Variants in WWOX observed in about 807,000 individuals in gnomAD.
WWOX encodes the protein WW domain-containing oxidoreductase.
In WWOX, 69 loss-of-function variants were observed where a neutral mutation model predicts 46.2. The observed-to-expected ratio is 1.49, with a 90% confidence interval of 1.23 to 1.82. WWOX has a LOEUF of 1.82. Ranked by LOEUF, WWOX falls within the 40% of genes most tolerant of loss-of-function variation. WWOX has a pLI of 0.00. For missense variants in WWOX, 919 were observed against 542.6 expected, an observed-to-expected ratio of 1.69 and a Z score of -6.89; for synonymous variants, 359 against 202.6, an observed-to-expected ratio of 1.77 and a Z score of -6.56.
intron 8 of WWOX, chr16:78,895,357 C>T (rs989454388): frequency 6.6e-6 from 1 of 152,146 alleles, no homozygotes; most frequent in African/African-American, 2.4e-5. Context: ...ATTCCCAGTA[C>T]CCTAGAAACA....
At chr16:78,608,795 G>A (rs2045828047) in intron 8 of WWOX, among the ~76,000 whole-genome samples, 1 of 152,158 alleles carries the variant, frequency 6.6e-6, no homozygotes, top group African/African-American at 2.4e-5. Flanking sequence ...GGGTTCCTGG[G>A]TTGAAGTATC....
At chr16:78,411,789 G>C (rs965480295) in intron 6 of WWOX, among the ~76,000 whole-genome samples, 1 of 152,186 alleles carries the variant, frequency 6.6e-6, no homozygotes, top group African/African-American at 2.4e-5. Flanking sequence ...TAGAAACATG[G>C]AGTGACATGA....
chr16:78,555,536 A>G (rs2044273148), intron 8 of WWOX, among the ~76,000 whole-genome samples: 1 of 151,198 alleles, frequency 6.6e-6, no homozygotes, highest in Non-Finnish European at 1.5e-5. Context: ...AGTATTCATC[A>G]AGGTAATATA....
intron 8 of WWOX, among the ~76,000 whole-genome samples, chr16:78,704,444 G>A (rs1318321862): frequency 6.6e-6 from 1 of 152,092 alleles, no homozygotes; most frequent in African/African-American, 2.4e-5. Flanking sequence ...TATAGTTTCT[G>A]TAAGTAGTGT....
Position 79,165,834 on chromosome 16 carries a change from G to A in WWOX, c.1057-45774G>A, listed in dbSNP as rs187120308. ...AACAAATTACATCCCTCACTCGGTC[G>A]CCGAACCGGGAACAGGGTTATAACT... On this transcript the variant is annotated intron_variant, in intron 8 of 8. Transcript: ENST00000566780. 5.9e-5 allele frequency among the ~76,000 whole-genome samples: 9 copies of A among 152,180 alleles called. No homozygotes were observed. The East Asian group carries it at 1.4e-3, about 23-fold the overall frequency.
chr16:78,582,571 T>A (rs115125302), intron 8 of WWOX, among the ~76,000 whole-genome samples: 1,750 of 152,312 alleles, frequency 0.011, 32 homozygotes, highest in African/African-American at 0.039. Context: ...TGTTTCTAAT[T>A]ATATGTTGAT....
chr16:78,915,687 C>G (rs568433915), intron 8 of WWOX, among the ~76,000 whole-genome samples: 2 of 45,102 alleles, frequency 4.4e-5, no homozygotes, highest in South Asian at 1.6e-3. Context: ...CTATTCCTCT[C>G]CAAAGCCATT....
intron 8 of WWOX, among the ~76,000 whole-genome samples, chr16:78,562,482 C>A (rs1396926840): frequency 6.6e-6 from 1 of 152,210 alleles, no homozygotes; most frequent in Non-Finnish European, 1.5e-5. Flanking sequence ...CCCCTAACCT[C>A]CCAGGTTCAT....
At chr16:78,955,000 G>A (rs2046136065) in intron 8 of WWOX, among the ~76,000 whole-genome samples, 2 of 152,174 alleles carry the variant, frequency 1.3e-5, no homozygotes, top group African/African-American at 4.8e-5. Context: ...GTGTTGCCCA[G>A]GCTTATCTCA....
At chr16:79,081,009 C>T (rs978628636) in intron 8 of WWOX, among the ~76,000 whole-genome samples, 5 of 152,154 alleles carry the variant, frequency 3.3e-5, no homozygotes, top group Non-Finnish European at 7.4e-5. Context: ...CGCACATGCA[C>T]ACCCACCAGG....
chr16:78,688,081 A>T (rs570660391), intron 8 of WWOX, among the ~76,000 whole-genome samples: 1 of 147,558 alleles, frequency 6.8e-6, no homozygotes, highest in Non-Finnish European at 1.5e-5. Context: ...CCACAATTCA[A>T]ATTCACAGAC....
At chr16:79,190,484 C>G (rs764714369) in intron 8 of WWOX, among the ~76,000 whole-genome samples, 1 of 152,206 alleles carries the variant, frequency 6.6e-6, no homozygotes, top group Non-Finnish European at 1.5e-5. Context: ...TACCCCGCTA[C>G]AGAGAGGCCC....
At chr16:78,966,311 C>A (rs1222857276) in intron 8 of WWOX, among the ~76,000 whole-genome samples, 1 of 152,084 alleles carries the variant, frequency 6.6e-6, no homozygotes, top group Non-Finnish European at 1.5e-5. Context: ...TCAGATGGAA[C>A]CAAATGGAAA....
intron 8 of WWOX, among the ~76,000 whole-genome samples, chr16:78,488,501 T>A (rs970898533): frequency 6.6e-6 from 1 of 152,206 alleles, no homozygotes; most frequent in Non-Finnish European, 1.5e-5. Flanking sequence ...TTCTGATTTT[T>A]CAACTGGATT....
At chr16:78,806,727 A>G (rs2051048067) in intron 8 of WWOX, among the ~76,000 whole-genome samples, 1 of 152,068 alleles carries the variant, frequency 6.6e-6, no homozygotes, top group Admixed American at 6.5e-5. Flanking sequence ...GTTTTCCTGC[A>G]TTCTATTTTT....
intron 8 of WWOX, among the ~76,000 whole-genome samples, chr16:78,447,521 A>G (rs1161164195): frequency 3.3e-5 from 5 of 152,248 alleles, no homozygotes; most frequent in Non-Finnish European, 7.3e-5. Flanking sequence ...AGGTGAAAGT[A>G]TATGTGTAAT....
chr16:78,836,473 C>G (rs955389198), intron 8 of WWOX, among the ~76,000 whole-genome samples: 1 of 152,176 alleles, frequency 6.6e-6, no homozygotes, highest in Non-Finnish European at 1.5e-5. Flanking sequence ...GGCATCCACT[C>G]TTCTAGTAGG....
At chr16:78,499,767 C>T (rs571702135) in intron 8 of WWOX, among the ~76,000 whole-genome samples, 11 of 152,332 alleles carry the variant, frequency 7.2e-5, no homozygotes, top group East Asian at 1.9e-4. Context: ...CTGTCAAATA[C>T]ATCCGTGGAA....
At chr16:78,112,247 A>C (rs961414118) in intron 3 of WWOX, among the ~76,000 whole-genome samples, 1 of 152,078 alleles carries the variant, frequency 6.6e-6, no homozygotes, top group African/African-American at 2.4e-5. Flanking sequence ...TAGCATTTTC[A>C]CTGTAGTTGA....
Sources: gnomAD v4.1 joint callset for allele counts (sites outside exome capture counted in the v4.1 genomes callset) on GRCh38, gnomAD v4.1.1 for gene constraint, MANE v1.5 for transcripts, NCBI Gene and HGNC (gene_info 2026-07-23, HGNC 2026-07-21) for gene names.